Variants in OSTM1 observed in about 807,000 individuals in gnomAD.
The protein encoded by OSTM1 is osteoclastogenesis associated transmembrane protein 1, also known as osteopetrosis-associated transmembrane protein 1.
Under a neutral mutation model 35.4 loss-of-function variants are expected in OSTM1, and 26 were observed. That is an observed-to-expected ratio of 0.73 (90% CI 0.54 to 1.02). The LOEUF is 1.02. Ranked by LOEUF, OSTM1 falls within the 50% of genes least tolerant of loss-of-function variation. OSTM1 has a pLI of 0.00. For missense variants in OSTM1, 366 were observed against 409.6 expected, an observed-to-expected ratio of 0.89 and a Z score of 0.92; for synonymous variants, 181 against 165.0, an observed-to-expected ratio of 1.10 and a Z score of -0.75.
At chr6:108,053,046 T>C (rs1772107481) in intron 3 of OSTM1, among the ~76,000 whole-genome samples, 1 of 152,240 alleles carries the variant, frequency 6.6e-6, no homozygotes, top group African/African-American at 2.4e-5. Flanking sequence ...CTGGATGTAC[T>C]GGTGGTTTGC....
At position 108,053,133 on chromosome 6, in the gene OSTM1, G is replaced by A. The variant is rs574686705; in HGVS notation, c.615+1357C>T. On this transcript the variant is annotated intron_variant, in intron 3 of 5. Transcript: ENST00000193322. ...ATATTTGGAGATAATTTTCTCTAGTGTCTTTTTCTTAGGCTGCCAATATAG... is the reference window on the plus strand; with the variant it reads ...ATATTTGGAGATAATTTTCTCTAGTATCTTTTTCTTAGGCTGCCAATATAG... Among the ~76,000 whole-genome samples, 6 of 152,262 alleles carry A rather than the reference G, an allele frequency of 3.9e-5. No individual in the cohort carries two copies. The Middle Eastern group carries it at 0.02, about 518-fold the overall frequency.
chr6:108,050,587 C>CAGGA (rs1431028409), intron 4 of OSTM1, among the ~76,000 whole-genome samples: 1 of 152,102 alleles, frequency 6.6e-6, no homozygotes, highest in Non-Finnish European at 1.5e-5. Context: ...TGGTCTTGAA[C>CAGGA]TCCTGACTTC....
At chr6:108,044,867 T>A (rs780674918) in intron 5 of OSTM1, 27 bp from the exon 6 acceptor site, 47 of 1,205,078 alleles carry the variant, frequency 3.9e-5, no homozygotes, top group Non-Finnish European at 5.1e-5. Context: ...AATTATATTT[T>A]AATTTAAATT....
At chr6:108,074,197 C>T (rs1772540681) in intron 1 of OSTM1, 53 bp downstream of exon 1, 1 of 1,578,966 alleles carries the variant, frequency 6.3e-7, no homozygotes, top group African/African-American at 1.3e-5. Flanking sequence ...ATTACACCCT[C>T]CTCCTTTCCC....
chr6:108,059,971 A>G (rs1376773008), intron 2 of OSTM1, among the ~76,000 whole-genome samples: 1 of 152,250 alleles, frequency 6.6e-6, no homozygotes, highest in African/African-American at 2.4e-5. Context: ...AAATTTCTAT[A>G]TATTTTTGAA....
At chr6:108,050,008 A>G (rs960953525) in intron 4 of OSTM1, among the ~76,000 whole-genome samples, 1 of 152,204 alleles carries the variant, frequency 6.6e-6, no homozygotes, top group Non-Finnish European at 1.5e-5. Flanking sequence ...TAATGCCCCA[A>G]AACTCCAGCA....
chr6:108,045,155 T>C, intron 5 of OSTM1, among the ~76,000 whole-genome samples: 1 of 152,116 alleles, frequency 6.6e-6, no homozygotes, highest in African/African-American at 2.4e-5. Context: ...GAAAGTGCTA[T>C]AAGGTAGAAT....
In OSTM1 at chr6:108,051,121, CAG is replaced by C. The variant is rs1375913828; in HGVS notation, c.691_692del (p.Leu231GlufsTer2). The C allele has an allele frequency of 6.2e-7, 1 of 1,613,486 alleles. No individual in the cohort carries two copies. The highest frequency in any genetic ancestry group is 8.5e-7 in the Non-Finnish European group (1 of 1,179,504). On this transcript the variant is annotated frameshift_variant, in exon 4 of 6. Coordinates refer to ENST00000193322, the MANE Select transcript of OSTM1 (RefSeq NM_014028.4). LOFTEE classifies it high-confidence loss of function. The stretch of plus-strand genomic sequence containing the variant: ...TTTGCATTTCACTGTACAGACTACT[CAG>C]AGTTTTGTATGCTTCACGGCAGTTT... The part of the protein sequence containing the change: ...CKNCREAYKT[L>X]SSLYSEMQKM...
intron 1 of OSTM1, among the ~76,000 whole-genome samples, chr6:108,068,090 A>G (rs1273044059): frequency 6.6e-6 from 1 of 151,990 alleles, no homozygotes; most frequent in African/African-American, 2.4e-5. Context: ...TATATCTCCA[A>G]TTCTCTCAGC....
At chr6:108,058,719 A>G (rs1772213153) in intron 2 of OSTM1, among the ~76,000 whole-genome samples, 1 of 152,154 alleles carries the variant, frequency 6.6e-6, no homozygotes, top group South Asian at 2.1e-4. Context: ...CGGAGCTTGC[A>G]GTGAACTGAG....
At chr6:108,047,003 C>T (rs369938357) in intron 5 of OSTM1, among the ~76,000 whole-genome samples, 1 of 152,130 alleles carries the variant, frequency 6.6e-6, no homozygotes, top group Non-Finnish European at 1.5e-5. Context: ...GATCATCTAA[C>T]GGTGAATTTC....
intron 2 of OSTM1, among the ~76,000 whole-genome samples, chr6:108,061,477 G>GTTT (rs5878958): frequency 7.0e-6 from 1 of 142,078 alleles, no homozygotes; most frequent in African/African-American, 2.5e-5. Context: ...GATCTTTGTA[G>GTTT]TTTTTTTTTT....
At chr6:108,056,134 CACTT>C (rs1452706460) in intron 2 of OSTM1, among the ~76,000 whole-genome samples, 2 of 152,210 alleles carry the variant, frequency 1.3e-5, no homozygotes, top group African/African-American at 4.8e-5. Context: ...CGAAAGTTAA[CACTT>C]ACTAAATACT....
chr6:108,048,278 C>T (rs1473883729), intron 5 of OSTM1, among the ~76,000 whole-genome samples: 1 of 152,134 alleles, frequency 6.6e-6, no homozygotes, highest in African/African-American at 2.4e-5. Flanking sequence ...AGAAAATTAA[C>T]CTTTTCCCCT....
chr6:108,052,336 G>T (rs1582389175), intron 3 of OSTM1, among the ~76,000 whole-genome samples: 4 of 151,974 alleles, frequency 2.6e-5, no homozygotes, highest in South Asian at 4.2e-4. Context: ...GGGAGGCTGA[G>T]GCAGGAGAAT....
In OSTM1 at chr6:108,044,733, G is replaced by T. The variant is rs1429065911; in HGVS notation, c.*52C>A. On this transcript the variant is annotated 3_prime_UTR_variant, in exon 6 of 6. Coordinates refer to ENST00000193322, the MANE Select transcript of OSTM1 (RefSeq NM_014028.4). ...TTTATCTTCTTTCTGAAACCAAGTT[G>T]TGTCTTCCACCATTCATTCACGTGA... 4.0e-6 allele frequency: 4 copies of T among 990,618 alleles called. No individual in the cohort carries two copies. The highest frequency in any genetic ancestry group is 3.2e-5 in the African/African-American group (2 of 62,962). 61.4% of individuals were successfully genotyped at this position (990,618 alleles called of 1,614,324 possible). A position where few individuals can be genotyped will look rare whatever the true frequency, so the allele number is the denominator to read the frequency against.
chr6:108,061,850 A>C (rs1180763265), intron 2 of OSTM1, among the ~76,000 whole-genome samples: 3 of 152,004 alleles, frequency 2.0e-5, no homozygotes, highest in Admixed American at 1.3e-4. Context: ...GCCAAAAAAA[A>C]ACCCTTTTAA....
intron 1 of OSTM1, among the ~76,000 whole-genome samples, chr6:108,064,982 C>A (rs1463763445): frequency 6.6e-6 from 1 of 152,168 alleles, no homozygotes; most frequent in Admixed American, 6.5e-5. Context: ...CCACAGCCTC[C>A]CAGGTAGCTG....
chr6:108,058,241 A>T (rs1180813582), intron 2 of OSTM1, among the ~76,000 whole-genome samples: 1 of 152,074 alleles, frequency 6.6e-6, no homozygotes. Context: ...TGCATCTTTA[A>T]ATAAAGCATT....
Sources: allele counts gnomAD v4.1 joint callset (sites outside exome capture counted in the v4.1 genomes callset), GRCh38; gene constraint gnomAD v4.1.1; transcripts MANE v1.5; gene names NCBI Gene and HGNC (gene_info 2026-07-23, HGNC 2026-07-21).